ZNF627: variants seen among roughly 807,000 people sequenced by gnomAD.
The protein encoded by ZNF627 is zinc finger protein 627.
A neutral mutation model predicts 10.6 loss-of-function variants in ZNF627; 12 were observed. The ratio of observed to expected loss-of-function variants is 1.13; its 90% confidence interval spans 0.73 to 1.84. ZNF627 has a LOEUF of 1.84. Ranked by LOEUF, ZNF627 falls within the 40% of genes most tolerant of loss-of-function variation. ZNF627 has a pLI of 0.00. For synonymous variants in ZNF627, 176 were observed against 187.1 expected (o/e 0.94, Z 0.48); for missense variants, 504 against 568.4 (o/e 0.89, Z 1.15).
At position 11,618,975 on chromosome 19, in the gene ZNF627, T is replaced by C. The variant is rs996735423; in HGVS notation, c.*1086T>C. On this transcript the variant is annotated 3_prime_UTR_variant, in exon 4 of 4. Coordinates refer to ENST00000361113, the MANE Select transcript of ZNF627 (RefSeq NM_145295.4). The stretch of plus-strand genomic sequence containing the variant: ...ATGTAAATTTTACTTTTCATGCTTA[T>C]ATAGTTTCAACTTTTATCTTCATAG... The C allele has an allele frequency of 2.0e-5, 3 of 152,194 alleles. No individual in the cohort carries two copies. In the South Asian group the frequency reaches 6.2e-4, roughly 32 times the overall value. 9.4% of individuals were successfully genotyped at this position (152,194 alleles called of 1,614,324 possible). A position where few individuals can be genotyped will look rare whatever the true frequency, so the allele number is the denominator to read the frequency against.
chr19:11,598,000 G>C (rs930177046), intron 1 of ZNF627, among the ~76,000 whole-genome samples: 1 of 152,216 alleles, frequency 6.6e-6, no homozygotes, highest in Non-Finnish European at 1.5e-5. Context: ...GCGGCTCATC[G>C]ATGGAGAAGC....
At chr19:11,613,962 C>T (rs1460686424) in intron 1 of ZNF627, among the ~76,000 whole-genome samples, 2 of 147,842 alleles carry the variant, frequency 1.4e-5, no homozygotes, top group East Asian at 2.0e-4. Context: ...TGCCCTGTCA[C>T]CCGGTCTGGA....
rs190691803 is a variant in ZNF627, at chr19:11,617,072, G to A, written c.569G>A (p.Arg190Lys). The A allele has an allele frequency of 1.2e-6, 2 of 1,614,096 alleles. No individual in the cohort carries two copies. The highest frequency in any genetic ancestry group is 1.3e-5 in the African/African-American group (1 of 75,056). The change falls in exon 4 of 4, where the codon AGG becomes AAG. Residue 190 changes from arginine (R) to lysine (K), a missense_variant. By Grantham distance (26) the Arg-to-Lys change is conservative. Coordinates refer to ENST00000361113, the MANE Select transcript of ZNF627 (RefSeq NM_145295.4). ...VSIRRHMLTH[R>K]GGVPYKCKVC... is the part of the protein sequence containing the mutation. ...ATTCGAAGACACATGTTAACGCATAGGGGAGGTGTACCTTACAAATGTAAG... is the reference window on the plus strand; with the variant it reads ...ATTCGAAGACACATGTTAACGCATAAGGGAGGTGTACCTTACAAATGTAAG...
intron 1 of ZNF627, among the ~76,000 whole-genome samples, chr19:11,611,034 G>A (rs1269190917): frequency 6.6e-6 from 1 of 151,904 alleles, no homozygotes; most frequent in Non-Finnish European, 1.5e-5. Flanking sequence ...TGTATTTTTA[G>A]TAGAGACGGG....
chr19:11,603,895 C>T (rs755744173), intron 1 of ZNF627, among the ~76,000 whole-genome samples: 11 of 151,680 alleles, frequency 7.3e-5, no homozygotes, highest in Non-Finnish European at 1.5e-4. Flanking sequence ...GCAGGCTAGA[C>T]CTCCAGGGCT....
chr19:11,598,738 A>G lies in ZNF627; in HGVS notation c.3+1108A>G, dbSNP rs151143350. Among the ~76,000 whole-genome samples the G allele has an allele frequency of 5.1e-4, 77 of 152,296 alleles. 1 individual carries two copies. Among genetic ancestry groups the G allele is most frequent in the African/African-American group, 1.7e-3 (70 of 41,578 alleles). ...ATTTGTATTATTTTTTCAAGGAGCA[A>G]TCGATTGGTCTTTTAAAAATATTTG... is the stretch of plus-strand genomic sequence containing the variant. On this transcript the variant is annotated intron_variant, in intron 1 of 3. Transcript: ENST00000361113.
intron 1 of ZNF627, among the ~76,000 whole-genome samples, chr19:11,610,218 C>T (rs112098671): frequency 4.6e-5 from 7 of 151,860 alleles, no homozygotes; most frequent in African/African-American, 1.7e-4. Context: ...TCTGGAAATG[C>T]GTTCTTTCCT....
At position 11,616,961 on chromosome 19, in the gene ZNF627, C is replaced by A; in HGVS notation, c.458C>A (p.Ser153Tyr). The change falls in exon 4 of 4, where the codon TCT becomes TAT. Residue 153 changes from serine (S) to tyrosine (Y), a missense_variant. Coordinates refer to ENST00000361113, the MANE Select transcript of ZNF627 (RefSeq NM_145295.4). ...GGACGAGCCTTGAGTTATCATCGCT[C>A]TTTTCCAGTACGTGAAAGGACTCAT... ...QCGRALSYHR[S>Y]FPVRERTHPG... is the part of the protein sequence containing the mutation. 1 of 1,614,180 alleles carries A rather than the reference C, an allele frequency of 6.2e-7. No individual in the cohort carries two copies. The highest frequency in any genetic ancestry group is 1.1e-5 in the South Asian group (1 of 91,070).
intron 1 of ZNF627, 52 bp from the exon 2 acceptor site, chr19:11,614,472 GCCC>G: frequency 5.6e-6 from 9 of 1,606,882 alleles, no homozygotes; most frequent in Non-Finnish European, 6.8e-6. Flanking sequence ...TAAAGTCTAG[GCCC>G]CCAGTGCTGT....
At chr19:11,603,474 G>A (rs1314226978) in intron 1 of ZNF627, among the ~76,000 whole-genome samples, 1 of 151,250 alleles carries the variant, frequency 6.6e-6, no homozygotes, top group African/African-American at 2.4e-5. Context: ...TTTTGTGGAG[G>A]CGGGGTTTTG....
chr19:11,612,118 C>CTTTTTT lies in ZNF627; in HGVS notation c.4-2394_4-2389dup, dbSNP rs533449447. On this transcript the variant is annotated intron_variant, in intron 1 of 3. Coordinates refer to ENST00000361113, the MANE Select transcript of ZNF627 (RefSeq NM_145295.4). ...TGTATGTAAGTTAAGGGTCCAACTG[C>CTTTTTT]TTTTTTTTTTTTTTTTTTTTGAGAT... Among the ~76,000 whole-genome samples the CTTTTTT allele has an allele frequency of 3.8e-3, 349 of 91,702 alleles. 16 individuals carry two copies. The highest frequency in any genetic ancestry group is 5.2e-3 in the Non-Finnish European group (253 of 48,660). The allele number at this position is 91,702 out of a possible 152,430, so 60.2% of individuals were successfully genotyped here.
rs1486621278 is a variant in ZNF627 at position 11,616,814 on chromosome 19, G to A, written c.311G>A (p.Ser104Asn). The change falls in exon 4 of 4, where the codon AGT becomes AAT. Residue 104 changes from serine to asparagine, a missense_variant. By Grantham distance (46) the Ser-to-Asn change is conservative. Transcript: ENST00000361113. ...CCTGGAGTAAAACCGTGTGAAAGCA[G>A]TGTGTGTGGAGAAGTTGGCATGGGT... ...KTPGVKPCES[S>N]VCGEVGMGPS... is the part of the protein sequence containing the mutation. 6.2e-7 allele frequency: 1 copy of A among 1,613,968 alleles called. No homozygotes were observed.
At chr19:11,616,486 G>A (rs2145141623) in intron 3 of ZNF627, among the ~76,000 whole-genome samples, 2 of 152,184 alleles carry the variant, frequency 1.3e-5, no homozygotes, top group Middle Eastern at 3.4e-3. Context: ...GGCCAGGCAT[G>A]GTGGCTCACG....
chr19:11,616,774 C>G lies in ZNF627; in HGVS notation c.271C>G (p.Leu91Val), dbSNP rs1599665255. Residue 91 changes from leucine (L) to valine (V), a missense_variant, in exon 4 of 4, where the codon CTG becomes GTG. Physicochemically the swap from Leu to Val is conservative, Grantham distance 32 (BLOSUM62 1). Transcript: ENST00000361113. ...ETFSQIPDGI[L>V]NKKTPGVKPC... ...CTTCAGCCAGATTCCAGATGGTATT[C>G]TGAACAAGAAAACTCCTGGAGTAAA... is the stretch of plus-strand genomic sequence containing the variant. 2 of 1,613,754 alleles carry G rather than the reference C, an allele frequency of 1.2e-6. No homozygotes were observed. The highest frequency in any genetic ancestry group is 2.7e-5 in the African/African-American group (2 of 75,036).
chr19:11,617,884 T>A lies in ZNF627; in HGVS notation c.1381T>A (p.Ser461Thr). Residue 461 changes from serine (S) to threonine (T), a missense_variant, in exon 4 of 4, where the codon TCA (serine) becomes ACA (threonine). Transcript: ENST00000361113. ...NPNASVVPVL[S>T] ...TAACGCTTCAGTTGTCCCAGTTCTTTCATGAGCATGAAAGGAGTCACATAG... is the reference window on the plus strand; with the variant it reads ...TAACGCTTCAGTTGTCCCAGTTCTTACATGAGCATGAAAGGAGTCACATAG... The A allele has an allele frequency of 5.2e-6, 8 of 1,531,614 alleles. No homozygotes were observed. The highest frequency in any genetic ancestry group is 7.0e-6 in the Non-Finnish European group (8 of 1,149,598). 94.9% of individuals were successfully genotyped at this position (1,531,614 alleles called of 1,614,324 possible).
In ZNF627 at chr19:11,617,824, C is replaced by G. The variant is rs1244310945; in HGVS notation, c.1321C>G (p.His441Asp). The change falls in exon 4 of 4, where the codon CAT becomes GAT. Residue 441 changes from histidine (H) to aspartate (D), a missense_variant. Coordinates refer to ENST00000361113, the MANE Select transcript of ZNF627 (RefSeq NM_145295.4). ...TTACTTTCGAGTACATGAAAAAATT[C>G]ATACTGGAGAGAAACCCTATGAGAA... ...STYFRVHEKI[H>D]TGEKPYENPN... 3.7e-6 allele frequency: 6 copies of G among 1,605,354 alleles called. No homozygotes were observed. The highest frequency in any genetic ancestry group is 4.2e-6 in the Non-Finnish European group (5 of 1,177,120).
chr19:11,598,823 G>A (rs981344897), intron 1 of ZNF627, among the ~76,000 whole-genome samples: 4 of 152,184 alleles, frequency 2.6e-5, no homozygotes, highest in Non-Finnish European at 5.9e-5. Context: ...ATGAGACCCT[G>A]CTGTGAAAAA....
In ZNF627 at chr19:11,617,885, C is replaced by G; in HGVS notation, c.1382C>G (p.Ser461Ter). Residue 461 changes from serine to a stop codon, truncating the protein, a stop_gained, in exon 4 of 4, where the codon TCA (serine) becomes TGA (stop). Coordinates refer to ENST00000361113, the MANE Select transcript of ZNF627 (RefSeq NM_145295.4). LOFTEE classifies it high-confidence loss of function. Reference sequence around the variant, plus strand: ...AACGCTTCAGTTGTCCCAGTTCTTTCATGAGCATGAAAGGAGTCACATAGA... The same window carrying G: ...AACGCTTCAGTTGTCCCAGTTCTTTGATGAGCATGAAAGGAGTCACATAGA... Reference protein sequence around the residue: ...NPNASVVPVLS With the variant: ...NPNASVVPVL 6.5e-7 allele frequency: 1 copy of G among 1,530,046 alleles called. No individual in the cohort carries two copies. Among genetic ancestry groups the G allele is most frequent in the Non-Finnish European group, 8.7e-7 (1 of 1,148,942 alleles). The allele number at this position is 1,530,046 out of a possible 1,614,324, so 94.8% of individuals were successfully genotyped here.
chr19:11,610,956 G>T (rs977513821), intron 1 of ZNF627, among the ~76,000 whole-genome samples: 3 of 151,782 alleles, frequency 2.0e-5, no homozygotes, highest in Non-Finnish European at 2.9e-5. Flanking sequence ...GGGTTCAAGC[G>T]ATTCTCCTGC....
Sources: gnomAD v4.1 joint callset for allele counts (sites outside exome capture counted in the v4.1 genomes callset) on GRCh38, gnomAD v4.1.1 for gene constraint, MANE v1.5 for transcripts, NCBI Gene and HGNC (gene_info 2026-07-23, HGNC 2026-07-21) for gene names.